Variants in SECISBP2L observed in about 807,000 individuals in gnomAD.
SECISBP2L encodes the protein SECIS binding protein 2 like.
SECISBP2L carries 43 observed loss-of-function variants against 114.7 expected under a neutral mutation model. That is an observed-to-expected ratio of 0.38 (90% CI 0.29 to 0.48). The LOEUF (loss-of-function observed/expected upper bound fraction) is 0.48, where lower values mean the gene tolerates loss of function less well. SECISBP2L is among the 20% of genes least tolerant of loss of function. The pLI is 0.98. For missense variants in SECISBP2L, 1,136 were observed against 1,301.1 expected, an observed-to-expected ratio of 0.87 and a Z score of 1.95; for synonymous variants, 451 against 439.7, an observed-to-expected ratio of 1.03 and a Z score of -0.32.
At chr15:48,997,303 G>A (rs1337633638) in intron 16 of SECISBP2L, among the ~76,000 whole-genome samples, 3 of 152,282 alleles carry the variant, frequency 2.0e-5, no homozygotes, top group Non-Finnish European at 4.4e-5. Flanking sequence ...GTCTCTATAG[G>A]AATTAAATTT....
chr15:49,034,129 C>G (rs564187646), intron 3 of SECISBP2L, among the ~76,000 whole-genome samples: 3 of 152,162 alleles, frequency 2.0e-5, no homozygotes, highest in Non-Finnish European at 2.9e-5. Flanking sequence ...TTAAAGCAAT[C>G]TCTGCTGCTT....
In SECISBP2L at chr15:48,996,500, A is replaced by T. The variant is rs1268160719; in HGVS notation, c.2490T>A (p.Ala830=). ...TCTTCACATTCTTTAAGGCTTCCTC[A>T]GCCTGCTCCTGTTCCATTGCTGCAA... ...DMVAAMEQEQ[A]EEALKNVKKV... Residue 830 remains alanine (A), a synonymous_variant, in exon 17 of 18, where the codon GCT becomes GCA. Transcript: ENST00000559471. The T allele has an allele frequency of 6.2e-7, 1 of 1,613,994 alleles. No homozygotes were observed.
At chr15:48,993,686 A>AATATATATAT (rs35939252) in intron 17 of SECISBP2L, among the ~76,000 whole-genome samples, 3 of 148,726 alleles carry the variant, frequency 2.0e-5, no homozygotes, top group Admixed American at 6.7e-5. Flanking sequence ...GTTGTTTTAT[A>AATATATATAT]ATATATATAT....
chr15:49,043,776 T>C (rs1256987120), intron 1 of SECISBP2L, among the ~76,000 whole-genome samples: 2 of 152,092 alleles, frequency 1.3e-5, no homozygotes, highest in Non-Finnish European at 2.9e-5. Flanking sequence ...CTTCTAGTTA[T>C]AACATTCTTT....
At chr15:49,036,366 G>T (rs966108031) in intron 2 of SECISBP2L, among the ~76,000 whole-genome samples, 1 of 152,152 alleles carries the variant, frequency 6.6e-6, no homozygotes, top group African/African-American at 2.4e-5. Flanking sequence ...TAAGGACTAG[G>T]GAGTTGAAGC....
intron 9 of SECISBP2L, 130 bp downstream of exon 9, chr15:49,017,418 G>A (rs1045470883): frequency 1.1e-5 from 7 of 634,900 alleles, no homozygotes; most frequent in Admixed American, 3.2e-5. Flanking sequence ...TTAAAGATAG[G>A]TACTAAACAC....
intron 4 of SECISBP2L, among the ~76,000 whole-genome samples, chr15:49,030,334 CATCTTTA>C (rs1902859843): frequency 6.6e-6 from 1 of 152,186 alleles, no homozygotes; most frequent in Non-Finnish European, 1.5e-5. Flanking sequence ...CTGCAATATG[CATCTTTA>C]ATCAAATACC....
At chr15:49,027,823 CT>C (rs1902779541) in intron 6 of SECISBP2L, among the ~76,000 whole-genome samples, 1 of 152,064 alleles carries the variant, frequency 6.6e-6, no homozygotes, top group Non-Finnish European at 1.5e-5. Flanking sequence ...GTTGGCCAGG[CT>C]GGTCTCGAAC....
Position 49,027,462 on chromosome 15 carries a change from T to C in SECISBP2L, c.938A>G (p.Asn313Ser), listed in dbSNP as rs1232587055. 3.7e-6 allele frequency: 6 copies of C among 1,607,568 alleles called. No homozygotes were observed. Among genetic ancestry groups the C allele is most frequent in the African/African-American group, 1.3e-5 (1 of 74,868 alleles). Residue 313 changes from asparagine to serine, a missense_variant, in exon 7 of 18, where the codon AAT becomes AGT. By Grantham distance (46) the Asn-to-Ser change is conservative. Transcript: ENST00000559471. ...TTTCTGAGTTGCCTGGCAAGTTACA[T>C]TGGACCAATTTACACCACCTATAAC... ...SMCAGGVNWS[N>S]VTCQATQKKP...
At chr15:49,009,448 T>C in intron 13 of SECISBP2L, 70 bp from the exon 14 acceptor site, 2 of 1,466,816 alleles carry the variant, frequency 1.4e-6, no homozygotes, top group Non-Finnish European at 1.8e-6. Flanking sequence ...CGTTGATCAA[T>C]GCAATTTAGA....
chr15:49,008,517 A>T (rs563718864), intron 14 of SECISBP2L, among the ~76,000 whole-genome samples: 1 of 152,300 alleles, frequency 6.6e-6, no homozygotes, highest in South Asian at 2.1e-4. Flanking sequence ...TTGACATTTA[A>T]TTAACTTTCC....
At position 48,992,806 on chromosome 15, in the gene SECISBP2L, G is replaced by T. The variant is rs769424220; in HGVS notation, c.2744C>A (p.Pro915His). 6.2e-7 allele frequency: 1 copy of T among 1,614,148 alleles called. No individual in the cohort carries two copies. Among genetic ancestry groups the T allele is most frequent in the South Asian group, 1.1e-5 (1 of 91,082 alleles). The change falls in exon 18 of 18, where the codon CCC becomes CAC. Residue 915 changes from proline (P) to histidine (H), a missense_variant. Coordinates refer to ENST00000559471, the MANE Select transcript of SECISBP2L (RefSeq NM_001193489.2). ...TAATGATGGCTGCTTACCAATTGGG[G>T]GTGTGTCAAATGGAAGTTTACTGGG... ...EKPSKLPFDT[P>H]PIGKQPSLVA...
intron 4 of SECISBP2L, among the ~76,000 whole-genome samples, chr15:49,031,180 C>G (rs989744795): frequency 6.6e-6 from 1 of 151,282 alleles, no homozygotes; most frequent in African/African-American, 2.4e-5. Context: ...TCCCAGATAG[C>G]TAGACTACAG....
chr15:49,035,695 C>T (rs1168044681), intron 2 of SECISBP2L, 37 bp from the exon 3 acceptor site: 1 of 1,561,492 alleles, frequency 6.4e-7, no homozygotes, highest in African/African-American at 1.4e-5. Flanking sequence ...AATCTATTGA[C>T]AAGTCTAAAA....
At chr15:49,007,635 C>A (rs1017670839) in intron 14 of SECISBP2L, among the ~76,000 whole-genome samples, 5 of 152,126 alleles carry the variant, frequency 3.3e-5, no homozygotes, top group African/African-American at 1.2e-4. Flanking sequence ...GGATATAAAC[C>A]AAATGACAAC....
chr15:49,007,751 A>T (rs951003969), intron 14 of SECISBP2L, among the ~76,000 whole-genome samples: 4 of 152,174 alleles, frequency 2.6e-5, no homozygotes, highest in African/African-American at 9.7e-5. Flanking sequence ...ATTACCAACA[A>T]TTCCTCCTCT....
At chr15:49,037,863 C>G in intron 1 of SECISBP2L, 94 bp from the exon 2 acceptor site, 2 of 991,534 alleles carry the variant, frequency 2.0e-6, no homozygotes, top group South Asian at 4.2e-5. Context: ...TCCTTATAAA[C>G]AGTAATTAGG....
chr15:49,034,603 T>G (rs201065205), intron 3 of SECISBP2L, among the ~76,000 whole-genome samples: 1 of 151,572 alleles, frequency 6.6e-6, no homozygotes, highest in Non-Finnish European at 1.5e-5. Flanking sequence ...AGCGATCTAA[T>G]GAACCACAAA....
At chr15:49,040,690 C>T (rs934590911) in intron 1 of SECISBP2L, among the ~76,000 whole-genome samples, 2 of 151,022 alleles carry the variant, frequency 1.3e-5, no homozygotes, top group African/African-American at 4.9e-5. Flanking sequence ...CGCCCACCAT[C>T]ACGCCCGGCT....
Sources: gnomAD v4.1 joint callset for allele counts (sites outside exome capture counted in the v4.1 genomes callset) on GRCh38, gnomAD v4.1.1 for gene constraint, MANE v1.5 for transcripts, NCBI Gene and HGNC (gene_info 2026-07-23, HGNC 2026-07-21) for gene names.